The following ADAMTS6 variants were observed in gnomAD, a reference collection of about 807,000 sequenced individuals.
ADAMTS6 encodes the protein ADAM metallopeptidase with thrombospondin type 1 motif 6, also known as A disintegrin and metalloproteinase with thrombospondin motifs 6.
ADAMTS6 carries 23 observed loss-of-function variants against 144.3 expected under a neutral mutation model. That is an observed-to-expected ratio of 0.16 (90% CI 0.11 to 0.23). ADAMTS6 has a LOEUF of 0.23. ADAMTS6 is among the 10% of genes least tolerant of loss of function. ADAMTS6 has a pLI of 1.00. For missense variants in ADAMTS6, 999 were observed against 1,379.6 expected (o/e 0.72, Z 4.37); for synonymous variants, 444 against 457.5 (o/e 0.97, Z 0.38).
intron 7 of ADAMTS6, among the ~76,000 whole-genome samples, chr5:65,382,667 T>C (rs966513864): frequency 5.9e-5 from 9 of 152,238 alleles, no homozygotes; most frequent in Non-Finnish European, 2.9e-5. Context: ...CCACAGGGCA[T>C]ATGCTATTTC....
intron 12 of ADAMTS6, among the ~76,000 whole-genome samples, chr5:65,272,599 T>G (rs543644429): frequency 1.3e-5 from 2 of 152,304 alleles, no homozygotes; most frequent in East Asian, 3.9e-4. Flanking sequence ...ATTTTTCTAC[T>G]AGTCCCTTCT....
At chr5:65,193,636 T>G (rs1288467977) in intron 21 of ADAMTS6, among the ~76,000 whole-genome samples, 1 of 152,172 alleles carries the variant, frequency 6.6e-6, no homozygotes, top group African/African-American at 2.4e-5. Context: ...AATCGGAATA[T>G]AGATTCACAC....
chr5:65,323,889 T>C (rs1203891544), intron 9 of ADAMTS6, among the ~76,000 whole-genome samples: 1 of 152,240 alleles, frequency 6.6e-6, no homozygotes, highest in Admixed American at 6.5e-5. Flanking sequence ...CATTTTTTCA[T>C]GTGTTTTTTG....
intron 3 of ADAMTS6, among the ~76,000 whole-genome samples, chr5:65,469,684 G>T (rs1396198770): frequency 3.3e-5 from 5 of 152,144 alleles, no homozygotes; most frequent in African/African-American, 1.2e-4. Context: ...TAGACAATTG[G>T]AGCACATTCC....
intron 7 of ADAMTS6, among the ~76,000 whole-genome samples, chr5:65,365,386 C>T (rs1470493987): frequency 6.6e-6 from 1 of 152,114 alleles, no homozygotes; most frequent in Non-Finnish European, 1.5e-5. Context: ...TGGCTCACAC[C>T]TGTAATCCAA....
chr5:65,386,274 C>T lies in ADAMTS6; in HGVS notation c.1074-52189G>A, dbSNP rs189754057. The stretch of plus-strand genomic sequence containing the variant: ...AAGTTGGGTGATGAGTACATCTATC[C>T]TATTTTTCATATATTTGAAAATGTA... On this transcript the variant is annotated intron_variant, in intron 7 of 24. Coordinates refer to ENST00000381055, the MANE Select transcript of ADAMTS6 (RefSeq NM_197941.4). Among the ~76,000 whole-genome samples, 42 of 151,960 alleles carry T rather than the reference C, an allele frequency of 2.8e-4. 1 individual carries two copies. The highest frequency in any genetic ancestry group is 9.7e-4 in the African/African-American group (40 of 41,450).
intron 14 of ADAMTS6, 103 bp downstream of exon 14, chr5:65,260,497 C>A: frequency 1.2e-6 from 1 of 868,586 alleles, no homozygotes; most frequent in Non-Finnish European, 1.8e-6. Flanking sequence ...ATGTGACCTT[C>A]ACACACATGT....
At chr5:65,436,761 G>C (rs1465804127) in intron 7 of ADAMTS6, among the ~76,000 whole-genome samples, 1 of 152,010 alleles carries the variant, frequency 6.6e-6, no homozygotes, top group African/African-American at 2.4e-5. Flanking sequence ...AGGAGGCTGA[G>C]GCAGGAGAAT....
intron 24 of ADAMTS6, 142 bp from the exon 25 acceptor site, chr5:65,152,087 TG>T (rs1752171600): frequency 1.7e-6 from 1 of 595,020 alleles, no homozygotes; most frequent in East Asian, 2.7e-5. Context: ...TTTTTGTTTT[TG>T]TTTTTAAGCA....
intron 14 of ADAMTS6, among the ~76,000 whole-genome samples, chr5:65,244,109 GT>G (rs1759434433): frequency 6.6e-6 from 1 of 152,072 alleles, no homozygotes; most frequent in African/African-American, 2.4e-5. Flanking sequence ...TCTTCAGCAG[GT>G]ACCAAAGTAT....
At chr5:65,260,456 C>T (rs1761081548) in intron 14 of ADAMTS6, 144 bp downstream of exon 14, 1 of 648,166 alleles carries the variant, frequency 1.5e-6, no homozygotes. Context: ...CTGAGGCCAG[C>T]TCCATTCATT....
At chr5:65,275,424 GAAAGAAAGAAAAGAAA>G (rs1455859054) in intron 11 of ADAMTS6, among the ~76,000 whole-genome samples, 1 of 139,320 alleles carries the variant, frequency 7.2e-6, no homozygotes, top group African/African-American at 2.6e-5. Context: ...AGAAAAGAAA[GAAAGAAAGAAAAGAAA>G]AAAGAAAGAG....
chr5:65,386,496 C>A (rs554837669), intron 7 of ADAMTS6, among the ~76,000 whole-genome samples: 46 of 152,234 alleles, frequency 3.0e-4, no homozygotes, highest in South Asian at 6.2e-4. Context: ...ACATTAACAA[C>A]AAGATGCAGA....
chr5:65,443,153 T>TC (rs2150235226), intron 7 of ADAMTS6, among the ~76,000 whole-genome samples: 1 of 152,338 alleles, frequency 6.6e-6, no homozygotes, highest in South Asian at 2.1e-4. Context: ...TGTGCATGTA[T>TC]CTTTATAATA....
chr5:65,371,645 T>A (rs555242614), intron 7 of ADAMTS6, among the ~76,000 whole-genome samples: 8 of 152,278 alleles, frequency 5.3e-5, no homozygotes, highest in African/African-American at 1.9e-4. Flanking sequence ...CTACGTCTGA[T>A]TGGTGTACCT....
At chr5:65,400,757 GT>G (rs1427708219) in intron 7 of ADAMTS6, among the ~76,000 whole-genome samples, 4 of 151,890 alleles carry the variant, frequency 2.6e-5, no homozygotes, top group African/African-American at 9.7e-5. Flanking sequence ...TGTTCTCTTA[GT>G]TTTTGAGATT....
At chr5:65,400,452 G>A (rs1341630314) in intron 7 of ADAMTS6, among the ~76,000 whole-genome samples, 1 of 152,134 alleles carries the variant, frequency 6.6e-6, no homozygotes, top group Non-Finnish European at 1.5e-5. Flanking sequence ...CTTGCTTCAA[G>A]CAAGCCTCTT....
intron 7 of ADAMTS6, among the ~76,000 whole-genome samples, chr5:65,380,232 T>C (rs1300684660): frequency 6.6e-6 from 1 of 152,102 alleles, no homozygotes; most frequent in Non-Finnish European, 1.5e-5. Context: ...TGCATATCAG[T>C]ACATACGGAA....
chr5:65,329,205 A>C (rs1306170090), intron 9 of ADAMTS6, among the ~76,000 whole-genome samples, 173 bp downstream of exon 9: 1 of 152,154 alleles, frequency 6.6e-6, no homozygotes, highest in African/African-American at 2.4e-5. Context: ...TTATCTAACA[A>C]GTCTCCAGTT....
Sources: gnomAD v4.1 joint callset for allele counts (sites outside exome capture counted in the v4.1 genomes callset) on GRCh38, gnomAD v4.1.1 for gene constraint, MANE v1.5 for transcripts, NCBI Gene and HGNC (gene_info 2026-07-23, HGNC 2026-07-21) for gene names.